AFF3: variants seen among roughly 807,000 people sequenced by gnomAD.
AFF3 encodes the protein AF4/FMR2 family member 3.
In AFF3, 32 loss-of-function variants were observed where a neutral mutation model predicts 129.7. That is an observed-to-expected ratio of 0.25 (90% CI 0.19 to 0.33). AFF3 has a LOEUF of 0.33. Ranked by LOEUF, AFF3 falls within the 10% of genes least tolerant of loss-of-function variation. The pLI is 1.00. For missense variants in AFF3, 1,373 were observed against 1,592.0 expected (o/e 0.86, Z 2.34); for synonymous variants, 644 against 635.4 (o/e 1.01, Z -0.20).
At chr2:99,772,803 G>A (rs368948125) in intron 8 of AFF3, among the ~76,000 whole-genome samples, 1 of 152,256 alleles carries the variant, frequency 6.6e-6, no homozygotes. Context: ...AAGAAGGGGC[G>A]ACTGCAGCTA....
At chr2:99,555,809 T>A (rs1360121362) in intron 22 of AFF3, among the ~76,000 whole-genome samples, 1 of 152,190 alleles carries the variant, frequency 6.6e-6, no homozygotes, top group Non-Finnish European at 1.5e-5. Flanking sequence ...GTTATTAAAA[T>A]GGCAAGAAAT....
chr2:100,011,252 C>A (rs746133320), intron 4 of AFF3, among the ~76,000 whole-genome samples: 2 of 152,072 alleles, frequency 1.3e-5, no homozygotes, highest in African/African-American at 2.4e-5. Context: ...CCAGCCTGGG[C>A]GACAAAGCGA....
intron 2 of AFF3, chr2:100,106,664 G>T (rs778405527): frequency 5.1e-6 from 5 of 986,220 alleles, no homozygotes; most frequent in Non-Finnish European, 6.0e-6. Flanking sequence ...CCTGGCTGCA[G>T]CTGGGAAGCT....
At chr2:100,132,752 T>C (rs748902286) in intron 1 of AFF3, among the ~76,000 whole-genome samples, 10 of 152,130 alleles carry the variant, frequency 6.6e-5, no homozygotes, top group Non-Finnish European at 1.5e-4. Flanking sequence ...CTCAAAAAAA[T>C]GTTAAATATC....
At position 99,768,410 on chromosome 2, in the gene AFF3, G is replaced by A. The variant is rs1683191777; in HGVS notation, c.922-16109C>T. Among the ~76,000 whole-genome samples the A allele has an allele frequency of 2.0e-5, 3 of 152,010 alleles. No homozygotes were observed. In the South Asian group the frequency reaches 6.2e-4, roughly 32 times the overall value. On this transcript the variant is annotated intron_variant, in intron 8 of 24. Transcript: ENST00000672756. The stretch of plus-strand genomic sequence containing the variant: ...TATATTTAATGAGGTCATACTGTTT[G>A]GTGATATACTCTTTTTCACTGAGCA...
intron 7 of AFF3, among the ~76,000 whole-genome samples, chr2:99,909,614 A>T (rs951899731): frequency 5.3e-5 from 8 of 151,924 alleles, no homozygotes; most frequent in Admixed American, 3.9e-4. Context: ...ATAATAATAA[A>T]AAAAAAAGAA....
At chr2:99,838,043 A>T (rs944175863) in intron 7 of AFF3, among the ~76,000 whole-genome samples, 2 of 152,138 alleles carry the variant, frequency 1.3e-5, no homozygotes, top group Admixed American at 6.5e-5. Flanking sequence ...AAAGAGAAAC[A>T]TCCTCTGGAT....
chr2:99,994,067 A>T (rs1680615160), intron 7 of AFF3, among the ~76,000 whole-genome samples: 1 of 151,818 alleles, frequency 6.6e-6, no homozygotes, highest in South Asian at 2.1e-4. Context: ...CAGCCTCCCA[A>T]AGTGCCGGGA....
chr2:99,577,470 TG>T (rs1012249793), intron 18 of AFF3, among the ~76,000 whole-genome samples: 54 of 152,224 alleles, frequency 3.5e-4, no homozygotes, highest in Admixed American at 1.2e-3. Context: ...CAGTGTCCAG[TG>T]GGGTTAGTGG....
intron 4 of AFF3, among the ~76,000 whole-genome samples, chr2:100,096,447 C>T (rs1690303228): frequency 6.6e-6 from 1 of 151,948 alleles, no homozygotes; most frequent in Non-Finnish European, 1.5e-5. Context: ...TGCATCTAAA[C>T]GCAACCGTCA....
At chr2:99,694,284 G>A (rs1369030056) in intron 11 of AFF3, among the ~76,000 whole-genome samples, 1 of 152,158 alleles carries the variant, frequency 6.6e-6, no homozygotes, top group Non-Finnish European at 1.5e-5. Flanking sequence ...TGCACATTAA[G>A]GTCAAATTCT....
chr2:99,901,046 G>A (rs1002786197), intron 7 of AFF3, among the ~76,000 whole-genome samples: 6 of 152,238 alleles, frequency 3.9e-5, no homozygotes, highest in African/African-American at 1.2e-4. Context: ...GACTGTGTGC[G>A]TACATGCATG....
At chr2:99,909,915 A>G (rs966026260) in intron 7 of AFF3, among the ~76,000 whole-genome samples, 1 of 152,200 alleles carries the variant, frequency 6.6e-6, no homozygotes, top group Admixed American at 6.5e-5. Flanking sequence ...GGGCTGAATT[A>G]TATTCTGCCA....
In AFF3 at chr2:99,881,469, A is replaced by AT. The variant is rs748524080; in HGVS notation, c.874-43946dup. ...CTACTTTTATTCTATATATTGTTTC[A>AT]TTTTTTCATTGAAAAAAAGCCCTCA... On this transcript the variant is annotated intron_variant, in intron 7 of 24. Coordinates refer to ENST00000672756, the MANE Select transcript of AFF3 (RefSeq NM_001386135.1). 4.0e-4 allele frequency among the ~76,000 whole-genome samples: 60 copies of AT among 151,168 alleles called. 1 individual carries two copies. The highest frequency in any genetic ancestry group is 7.5e-4 in the Non-Finnish European group (51 of 67,812).
intron 8 of AFF3, among the ~76,000 whole-genome samples, chr2:99,824,174 G>A (rs113756768): frequency 0.085 from 12,872 of 151,500 alleles, 1,832 homozygotes; most frequent in African/African-American, 0.29. Context: ...GGAGTGCAGT[G>A]GTGCGATCTC....
At chr2:99,654,484 A>C (rs577477753) in intron 12 of AFF3, among the ~76,000 whole-genome samples, 1 of 152,348 alleles carries the variant, frequency 6.6e-6, no homozygotes, top group East Asian at 1.9e-4. Flanking sequence ...TTAAATGGCA[A>C]AGAAAAAATT....
At chr2:100,032,701 G>A (rs924925416) in intron 4 of AFF3, among the ~76,000 whole-genome samples, 3 of 151,940 alleles carry the variant, frequency 2.0e-5, no homozygotes, top group Admixed American at 6.5e-5. Context: ...CCACTGCTCC[G>A]CGGTGCCAAT....
intron 7 of AFF3, among the ~76,000 whole-genome samples, chr2:99,928,073 C>T (rs538619318): frequency 7.3e-4 from 111 of 152,312 alleles, no homozygotes; most frequent in Middle Eastern, 3.4e-3. Flanking sequence ...CCTTGCCTTC[C>T]GCCATGATTG....
At chr2:99,567,313 T>C (rs1384374374) in intron 19 of AFF3, among the ~76,000 whole-genome samples, 1 of 152,150 alleles carries the variant, frequency 6.6e-6, no homozygotes, top group African/African-American at 2.4e-5. Flanking sequence ...CACTTTCAGA[T>C]GAAGTCATTT....
Sources: gnomAD v4.1 joint callset for allele counts (sites outside exome capture counted in the v4.1 genomes callset) on GRCh38, gnomAD v4.1.1 for gene constraint, MANE v1.5 for transcripts, NCBI Gene and HGNC (gene_info 2026-07-23, HGNC 2026-07-21) for gene names.